CRCP: variants seen among roughly 807,000 people sequenced by gnomAD.
CRCP encodes CGRP receptor component.
CRCP carries 18 observed loss-of-function variants against 18.5 expected under a neutral mutation model. That is an observed-to-expected ratio of 0.97 (90% CI 0.67 to 1.44). The LOEUF (loss-of-function observed/expected upper bound fraction) is 1.44. CRCP is among the 40% of genes most tolerant of loss of function. The pLI is 0.00. For synonymous variants in CRCP, 53 were observed against 62.9 expected (o/e 0.84, Z 0.75); for missense variants, 130 against 176.4 (o/e 0.74, Z 1.49).
At chr7:66,118,050 G>A (rs1196349072) in intron 1 of CRCP, among the ~76,000 whole-genome samples, 3 of 152,198 alleles carry the variant, frequency 2.0e-5, no homozygotes, top group Non-Finnish European at 4.4e-5. Context: ...CGCAATGTCA[G>A]CTCACTGCAA....
intron 3 of CRCP, among the ~76,000 whole-genome samples, chr7:66,133,366 G>A (rs1338603314): frequency 6.6e-6 from 1 of 151,922 alleles, no homozygotes; most frequent in Non-Finnish European, 1.5e-5. Context: ...AAATTAGCCG[G>A]GCGTGGTGGC....
chr7:66,134,935 G>C (rs1787927214), intron 4 of CRCP, among the ~76,000 whole-genome samples: 1 of 152,134 alleles, frequency 6.6e-6, no homozygotes, highest in Non-Finnish European at 1.5e-5. Context: ...AACTCACAAG[G>C]CTGGGGAAAG....
intron 5 of CRCP, among the ~76,000 whole-genome samples, chr7:66,146,392 G>A (rs1788299920): frequency 6.6e-6 from 1 of 151,898 alleles, no homozygotes; most frequent in African/African-American, 2.4e-5. Context: ...CTTATTACAG[G>A]GCAGAGAGCA....
At chr7:66,132,075 T>TTACATAAACGTAAAG (rs371129019) in intron 3 of CRCP, among the ~76,000 whole-genome samples, 1 of 152,292 alleles carries the variant, frequency 6.6e-6, no homozygotes, top group South Asian at 2.1e-4. Context: ...TTCTCTTACA[T>TTACATAAACGTAAAG]AAAAGTTGTA....
At chr7:66,131,765 A>G (rs530625345) in intron 3 of CRCP, among the ~76,000 whole-genome samples, 20 of 150,580 alleles carry the variant, frequency 1.3e-4, no homozygotes, top group African/African-American at 3.9e-4. Context: ...TTTTGAAATC[A>G]TTTTTCTTTT....
rs544084759 is a variant in CRCP, at chr7:66,134,977, T to C, written c.239+603T>C. ...GGGTGGTGTCTTCATGGAAACAATA[T>C]GTGTAGATGTCCTTTTTGGACTCCA... On this transcript the variant is annotated intron_variant, in intron 4 of 5. Coordinates refer to ENST00000395326, the MANE Select transcript of CRCP (RefSeq NM_014478.5). 3.0e-4 allele frequency among the ~76,000 whole-genome samples: 45 copies of C among 152,310 alleles called. No individual in the cohort carries two copies. The South Asian group carries it at 6.2e-3, about 21-fold the overall frequency.
chr7:66,144,718 A>G (rs1308206839), intron 4 of CRCP, among the ~76,000 whole-genome samples: 2 of 152,064 alleles, frequency 1.3e-5, no homozygotes, highest in Non-Finnish European at 1.5e-5. Context: ...GCCTCAAGGG[A>G]TCCTCCCACC....
At chr7:66,145,646 T>C in intron 5 of CRCP, 146 bp downstream of exon 5, 1 of 770,660 alleles carries the variant, frequency 1.3e-6, no homozygotes, top group Non-Finnish European at 2.2e-6. Context: ...GCCAGTTTGA[T>C]CCTAGTTAGT....
At chr7:66,151,568 GC>G (rs1193906941) in intron 5 of CRCP, among the ~76,000 whole-genome samples, 1 of 150,456 alleles carries the variant, frequency 6.6e-6, no homozygotes, top group African/African-American at 2.4e-5. Context: ...ACTCTGTCCT[GC>G]CCCCCCAAAA....
At chr7:66,146,763 A>T in intron 5 of CRCP, among the ~76,000 whole-genome samples, 1 of 152,232 alleles carries the variant, frequency 6.6e-6, no homozygotes, top group East Asian at 1.9e-4. Flanking sequence ...TAGGCTAAAT[A>T]GAAACCCCTT....
chr7:66,144,136 C>A lies in CRCP; in HGVS notation c.240-1307C>A, dbSNP rs189828196. On this transcript the variant is annotated intron_variant, in intron 4 of 5. Coordinates refer to ENST00000395326, the MANE Select transcript of CRCP (RefSeq NM_014478.5). ...AAGTTGTTGCCTGCACAGGGGTGGT[C>A]ACTGCAGTCATTTGATCTCCTCTGA... 1.4e-4 allele frequency among the ~76,000 whole-genome samples: 21 copies of A among 148,792 alleles called. No individual in the cohort carries two copies. In the East Asian group the frequency reaches 3.5e-3, roughly 25 times the overall value.
chr7:66,131,132 G>A (rs1171890461), intron 3 of CRCP, among the ~76,000 whole-genome samples: 4 of 151,854 alleles, frequency 2.6e-5, no homozygotes, highest in Admixed American at 6.6e-5. Flanking sequence ...CCTCCACCAC[G>A]GCCAGCTGAT....
chr7:66,143,982 C>A (rs959576158), intron 4 of CRCP, among the ~76,000 whole-genome samples: 2 of 152,208 alleles, frequency 1.3e-5, no homozygotes, highest in Non-Finnish European at 2.9e-5. Context: ...CTTCCCCCAA[C>A]ACATGGCTGC....
intron 4 of CRCP, among the ~76,000 whole-genome samples, chr7:66,135,521 CT>C (rs999927564): frequency 3.3e-5 from 5 of 151,876 alleles, no homozygotes; most frequent in South Asian, 2.1e-4. Context: ...ATTTATTTAT[CT>C]TTTTTTTCAA....
chr7:66,141,322 T>C (rs1788130761), intron 4 of CRCP, among the ~76,000 whole-genome samples: 1 of 152,228 alleles, frequency 6.6e-6, no homozygotes, highest in African/African-American at 2.4e-5. Context: ...TTATTCATTC[T>C]TTCTATTTTT....
intron 1 of CRCP, chr7:66,126,504 G>A: frequency 3.5e-6 from 1 of 282,408 alleles, no homozygotes; most frequent in South Asian, 3.0e-5. Context: ...GTGACCTTGA[G>A]CAAGTTACTT....
chr7:66,125,122 C>G (rs1025302464), intron 1 of CRCP, among the ~76,000 whole-genome samples: 1 of 149,216 alleles, frequency 6.7e-6, no homozygotes, highest in South Asian at 2.1e-4. Flanking sequence ...ATTATATCCT[C>G]ATGGATAGAT....
At chr7:66,123,706 C>G (rs1192160681) in intron 1 of CRCP, among the ~76,000 whole-genome samples, 1 of 150,278 alleles carries the variant, frequency 6.7e-6, no homozygotes, top group Non-Finnish European at 1.5e-5. Flanking sequence ...TGAGATCATG[C>G]CATTGCACTC....
At chr7:66,144,136 C>T (rs189828196) in intron 4 of CRCP, among the ~76,000 whole-genome samples, 2 of 148,672 alleles carry the variant, frequency 1.3e-5, no homozygotes, top group East Asian at 2.0e-4. Context: ...CAGGGGTGGT[C>T]ACTGCAGTCA....
Sources: gnomAD v4.1 joint callset for allele counts (sites outside exome capture counted in the v4.1 genomes callset) on GRCh38, gnomAD v4.1.1 for gene constraint, MANE v1.5 for transcripts, NCBI Gene and HGNC (gene_info 2026-07-23, HGNC 2026-07-21) for gene names.